The following FCRL5 variants were observed in gnomAD, a reference collection of about 807,000 sequenced individuals.
FCRL5 encodes Fc receptor like 5.
A neutral mutation model predicts 92.1 loss-of-function variants in FCRL5; 79 were observed. The observed-to-expected ratio is 0.86, with a 90% CI of 0.72 to 1.03. The LOEUF is 1.03. Among genes scored for constraint, FCRL5 ranks in the 50% least tolerant of loss-of-function variants. The pLI, the probability that FCRL5 is intolerant of heterozygous loss-of-function variation, is 0.00. For synonymous variants in FCRL5, 466 were observed against 469.3 expected, an observed-to-expected ratio of 0.99 and a Z score of 0.09; for missense variants, 1,160 against 1,181.1, an observed-to-expected ratio of 0.98 and a Z score of 0.26.
intron 1 of FCRL5, among the ~76,000 whole-genome samples, chr1:157,552,084 G>A (rs1220600752): frequency 1.3e-5 from 2 of 152,162 alleles, no homozygotes; most frequent in African/African-American, 4.8e-5. Flanking sequence ...AAAAATAAAT[G>A]AAATTTTAAT....
Position 157,513,713 on chromosome 1 carries a change from G to A in FCRL5, c.*1962C>T, listed in dbSNP as rs1177038636. 1 of 151,304 alleles carries A rather than the reference G, an allele frequency of 6.6e-6. No homozygotes were observed. Among genetic ancestry groups the A allele is most frequent in the Non-Finnish European group, 1.5e-5 (1 of 68,030 alleles). 9.4% of individuals were successfully genotyped at this position (151,304 alleles called of 1,614,324 possible). ...CTGTGCAGTTATCATTCTGGGATGG[G>A]GGTACCTTACTCTCCCAATGAGAAA... is the stretch of plus-strand genomic sequence containing the variant. On this transcript the variant is annotated 3_prime_UTR_variant, in exon 17 of 17. Coordinates refer to ENST00000361835, the MANE Select transcript of FCRL5 (RefSeq NM_031281.3).
intron 7 of FCRL5, among the ~76,000 whole-genome samples, chr1:157,536,245 A>G (rs998852477): frequency 1.3e-5 from 2 of 151,992 alleles, no homozygotes; most frequent in Admixed American, 1.3e-4. Flanking sequence ...CCTGGCCATG[A>G]CTCAGTTTTT....
At chr1:157,521,414 AT>A in intron 10 of FCRL5, 122 bp from the exon 11 acceptor site, 1 of 1,205,468 alleles carries the variant, frequency 8.3e-7, no homozygotes, top group Non-Finnish European at 1.1e-6. Context: ...TAAAACATAG[AT>A]GATAAAGCTA....
rs551209735 is a variant in FCRL5 at position 157,513,390 on chromosome 1, G to T, written c.*2285C>A. 1 of 152,254 alleles carries T rather than the reference G, an allele frequency of 6.6e-6. No homozygotes were observed. Among genetic ancestry groups the T allele is most frequent in the Admixed American group, 6.5e-5 (1 of 15,292 alleles). The allele number at this position is 152,254 out of a possible 1,614,324, so 9.4% of individuals were successfully genotyped here. A position where few individuals can be genotyped will look rare whatever the true frequency, so the allele number is the denominator to read the frequency against. ...CACATGCACACATACAGAAAGATTG[G>T]TTTATTAGAATGAATTAGCTCTTGT... On this transcript the variant is annotated 3_prime_UTR_variant, in exon 17 of 17. Transcript: ENST00000361835.
chr1:157,530,427 C>T (rs534385143), intron 8 of FCRL5, among the ~76,000 whole-genome samples: 80 of 152,296 alleles, frequency 5.3e-4, no homozygotes, highest in Middle Eastern at 3.4e-3. Flanking sequence ...AGTGCAATGG[C>T]GCGATCTTGG....
chr1:157,551,935 G>C (rs970409466), intron 1 of FCRL5, among the ~76,000 whole-genome samples: 3 of 152,166 alleles, frequency 2.0e-5, no homozygotes, highest in Admixed American at 2.0e-4. Context: ...TTATGCTGGG[G>C]ACCAGGATCT....
intron 10 of FCRL5, chr1:157,522,603 G>C (rs536160272): frequency 2.0e-4 from 30 of 152,336 alleles, no homozygotes; most frequent in African/African-American, 6.3e-4. Flanking sequence ...GAGTGTTGAT[G>C]ATGATGACAC....
At chr1:157,525,427 C>A (rs1301398362) in intron 9 of FCRL5, among the ~76,000 whole-genome samples, 2 of 152,134 alleles carry the variant, frequency 1.3e-5, no homozygotes, top group African/African-American at 4.8e-5. Flanking sequence ...TGCAAACTAC[C>A]AAGAAATAGG....
At position 157,541,199 on chromosome 1, in the gene FCRL5, C is replaced by T. The variant is rs116313838; in HGVS notation, c.1123+1660G>A. Among the ~76,000 whole-genome samples the T allele has an allele frequency of 4.0e-3, 605 of 152,322 alleles. 5 individuals carry two copies. The highest frequency in any genetic ancestry group is 0.03 in the South Asian group (143 of 4,816). ...CTCTCACAGTGCCTCTTGCTTCAAC[C>T]GGAGTCCTTCCTTCTCAAGTCCCAA... On this transcript the variant is annotated intron_variant, in intron 6 of 16. Coordinates refer to ENST00000361835, the MANE Select transcript of FCRL5 (RefSeq NM_031281.3).
chr1:157,519,544 C>T (rs991850713), intron 13 of FCRL5, among the ~76,000 whole-genome samples, 199 bp downstream of exon 13: 5 of 152,154 alleles, frequency 3.3e-5, no homozygotes, highest in Non-Finnish European at 7.3e-5. Flanking sequence ...AGATAACAGC[C>T]TATACAGCTA....
chr1:157,524,864 A>C (rs1282030927), intron 9 of FCRL5, among the ~76,000 whole-genome samples: 7 of 152,206 alleles, frequency 4.6e-5, no homozygotes, highest in Non-Finnish European at 7.3e-5. Context: ...TCAACAGAAA[A>C]TGAAGAACAG....
intron 15 of FCRL5, 110 bp from the exon 16 acceptor site, chr1:157,515,983 T>A: frequency 8.5e-7 from 1 of 1,180,748 alleles, no homozygotes; most frequent in Non-Finnish European, 1.2e-6. Context: ...TCTCCCTCTG[T>A]GCGGTGAGTA....
rs746654522 is a variant in FCRL5 at position 157,544,500 on chromosome 1, G to A, written c.606C>T (p.Ile202=). 1 of 1,614,198 alleles carries A rather than the reference G, an allele frequency of 6.2e-7. No individual in the cohort carries two copies. Among genetic ancestry groups the A allele is most frequent in the Non-Finnish European group, 8.5e-7 (1 of 1,180,030 alleles). ...AGGTCAGGGTCACTGGGTTCCCGCT[G>A]ATGGGCTGGAAGGAGCTGGCTCTCA... ...PVLRASSFQP[I]SGNPVTLTCE... is the part of the protein sequence containing the mutation. Residue 202 remains isoleucine (I), a synonymous_variant, in exon 5 of 17, where the codon ATC becomes ATT. Transcript: ENST00000361835.
rs145379723 is a variant in FCRL5 at position 157,551,418 on chromosome 1, A to G, written c.31+914T>C. On this transcript the variant is annotated intron_variant, in intron 1 of 16. Transcript: ENST00000361835. ...CTCCATTTCTGCTCCTCTAGCTCCT[A>G]CTCACCTCTAAGTTTCATGAAGTCT... Among the ~76,000 whole-genome samples, 847 of 152,190 alleles carry G rather than the reference A, an allele frequency of 5.6e-3. 7 individuals carry two copies. The highest frequency in any genetic ancestry group is 0.018 in the African/African-American group (766 of 41,508).
At chr1:157,538,010 G>A (rs1651054963) in intron 7 of FCRL5, among the ~76,000 whole-genome samples, 1 of 152,162 alleles carries the variant, frequency 6.6e-6, no homozygotes, top group African/African-American at 2.4e-5. Context: ...TGTAGTCTTA[G>A]ATGCATCCTT....
At position 157,543,025 on chromosome 1, in the gene FCRL5, G is replaced by A. The variant is rs185098545; in HGVS notation, c.957C>T (p.Tyr319=). The A allele has an allele frequency of 3.7e-6, 6 of 1,614,234 alleles. No individual in the cohort carries two copies. In the Admixed American group the frequency reaches 1.0e-4, roughly 27 times the overall value. ...GGGGGACACCCTCATGATAAAACCT[G>A]TACAAAGTGCGCAGAGAATCTTCCT... ...ETQEDSLRTL[Y]RFYHEGVPLR... The change falls in exon 6 of 17, where the codon TAC becomes TAT. Residue 319 remains tyrosine (Y), a synonymous_variant. Transcript: ENST00000361835.
chr1:157,527,488 T>C (rs1432496898), intron 9 of FCRL5, 129 bp downstream of exon 9: 1 of 881,628 alleles, frequency 1.1e-6, no homozygotes, highest in Non-Finnish European at 1.7e-6. Flanking sequence ...ATGGAGGCTG[T>C]GTAGGCACCA....
chr1:157,522,776 A>T (rs1650257191), intron 10 of FCRL5: 1 of 152,218 alleles, frequency 6.6e-6, no homozygotes, highest in South Asian at 2.1e-4. Flanking sequence ...TGCGACAGAG[A>T]ATTATAGAAA....
rs1651009201 is a variant in FCRL5, at chr1:157,537,245, C to T, written c.1402+1841G>A. 5.9e-5 allele frequency among the ~76,000 whole-genome samples: 9 copies of T among 152,288 alleles called. No homozygotes were observed. The South Asian group carries it at 1.9e-3, about 32-fold the overall frequency. On this transcript the variant is annotated intron_variant, in intron 7 of 16. Transcript: ENST00000361835. ...AGAGATATCACTGAATTCTTTTTCT[C>T]AGCAAGGAACATCCCTGAGAAAGAG...
Sources: allele counts gnomAD v4.1 joint callset (sites outside exome capture counted in the v4.1 genomes callset), GRCh38; gene constraint gnomAD v4.1.1; transcripts MANE v1.5; gene names NCBI Gene and HGNC (gene_info 2026-07-23, HGNC 2026-07-21).